AGO3: variants seen among roughly 807,000 people sequenced by gnomAD.
AGO3 encodes the protein argonaute RISC catalytic component 3, also known as protein argonaute-3.
A neutral mutation model predicts 105.5 loss-of-function variants in AGO3; 16 were observed. The observed-to-expected ratio is 0.15, with a 90% CI of 0.10 to 0.23. The LOEUF is 0.23. Among genes scored for constraint, AGO3 ranks in the 10% least tolerant of loss-of-function variants. AGO3 has a pLI of 1.00. For missense variants in AGO3, 534 were observed against 1,088.0 expected (o/e 0.49, Z 7.16); for synonymous variants, 340 against 367.3 (o/e 0.93, Z 0.85).
chr1:36,062,520 T>A lies in AGO3; in HGVS notation c.*6775T>A, dbSNP rs1643039073. On this transcript the variant is annotated 3_prime_UTR_variant, in exon 19 of 19. Transcript: ENST00000373191. ...AACTATGAAAAATGATGACAAGGCATTTAAAAGGGTATGATCAGTTAAATA... is the reference window on the plus strand; with the variant it reads ...AACTATGAAAAATGATGACAAGGCAATTAAAAGGGTATGATCAGTTAAATA... 1 of 152,184 alleles carries A rather than the reference T, an allele frequency of 6.6e-6. No homozygotes were observed. The highest frequency in any genetic ancestry group is 2.4e-5 in the African/African-American group (1 of 41,448). The allele number at this position is 152,184 out of a possible 1,614,324, so 9.4% of individuals were successfully genotyped here.
chr1:35,999,614 A>T (rs1031890999), intron 5 of AGO3, among the ~76,000 whole-genome samples: 2 of 152,126 alleles, frequency 1.3e-5, no homozygotes, highest in Non-Finnish European at 2.9e-5. Flanking sequence ...CAAATGCCTT[A>T]TGTTTTTTGT....
chr1:36,045,895 G>T (rs1254154116), intron 17 of AGO3, among the ~76,000 whole-genome samples: 1 of 152,124 alleles, frequency 6.6e-6, no homozygotes, highest in Non-Finnish European at 1.5e-5. Context: ...GAGTGCATCA[G>T]AGGAGTAACA....
intron 2 of AGO3, among the ~76,000 whole-genome samples, chr1:35,954,816 A>C (rs1318381846): frequency 6.6e-6 from 1 of 152,240 alleles, no homozygotes; most frequent in African/African-American, 2.4e-5. Context: ...GGTGTATCAC[A>C]TGGTATTTGA....
intron 8 of AGO3, 192 bp downstream of exon 8, chr1:36,009,236 A>ATT: frequency 1.2e-6 from 1 of 833,834 alleles, no homozygotes; most frequent in Non-Finnish European, 1.7e-6. Context: ...ACTCTAATGT[A>ATT]ACCACTGTTA....
At chr1:36,001,404 A>T (rs1440338234) in intron 5 of AGO3, among the ~76,000 whole-genome samples, 1 of 152,262 alleles carries the variant, frequency 6.6e-6, no homozygotes, top group Non-Finnish European at 1.5e-5. Flanking sequence ...CTCAGAGGAC[A>T]TGAAGTACAT....
At chr1:35,981,976 A>G (rs1029884354) in intron 5 of AGO3, among the ~76,000 whole-genome samples, 2 of 152,056 alleles carry the variant, frequency 1.3e-5, no homozygotes, top group African/African-American at 2.4e-5. Context: ...TTAGGTTTTT[A>G]TTATCCCCTA....
chr1:36,059,218 A>ATC lies in AGO3; in HGVS notation c.*3473_*3474insTC, dbSNP rs1254241663. The ATC allele has an allele frequency of 6.6e-6, 1 of 152,176 alleles. No homozygotes were observed. The highest frequency in any genetic ancestry group is 1.5e-5 in the Non-Finnish European group (1 of 68,024). 9.4% of individuals were successfully genotyped at this position (152,176 alleles called of 1,614,324 possible). On this transcript the variant is annotated 3_prime_UTR_variant, in exon 19 of 19. Transcript: ENST00000373191. ...CTAGTTTAAAGTTGATTAACTTGAA[A>ATC]GAGTATGTATACTATATTTCTATTT...
rs865781404 is a variant in AGO3 at position 36,060,532 on chromosome 1, A to C, written c.*4787A>C. On this transcript the variant is annotated 3_prime_UTR_variant, in exon 19 of 19. Transcript: ENST00000373191. ...GTGATTTTTATGAAATTCAAGAAGC[A>C]AACGACTTCGATACAGCTAGAATAT... is the stretch of plus-strand genomic sequence containing the variant. 1 of 152,270 alleles carries C rather than the reference A, an allele frequency of 6.6e-6. No individual in the cohort carries two copies. 9.4% of individuals were successfully genotyped at this position (152,270 alleles called of 1,614,324 possible). A position where few individuals can be genotyped will look rare whatever the true frequency, so the allele number is the denominator to read the frequency against.
chr1:35,944,417 A>G (rs191878996), intron 1 of AGO3, among the ~76,000 whole-genome samples: 126 of 152,088 alleles, frequency 8.3e-4, no homozygotes, highest in East Asian at 5.8e-4. Context: ...CAAACTGTCA[A>G]ATTTATTGAC....
rs1355412395 is a variant in AGO3, at chr1:36,059,278, C to T, written c.*3533C>T. 2.0e-5 allele frequency: 3 copies of T among 151,842 alleles called. No homozygotes were observed. The South Asian group carries it at 6.2e-4, about 31-fold the overall frequency. 9.4% of individuals were successfully genotyped at this position (151,842 alleles called of 1,614,324 possible). On this transcript the variant is annotated 3_prime_UTR_variant, in exon 19 of 19. Coordinates refer to ENST00000373191, the MANE Select transcript of AGO3 (RefSeq NM_024852.4). ...ATTGGTATATTAATTACCATTGGTT[C>T]TTAATTACAAGAAAACTTGTGCTTA...
At chr1:36,025,470 T>A (rs1461224199) in intron 11 of AGO3, among the ~76,000 whole-genome samples, 1 of 152,040 alleles carries the variant, frequency 6.6e-6, no homozygotes, top group Non-Finnish European at 1.5e-5. Flanking sequence ...TTATTTTTCA[T>A]TTTATATTTG....
At chr1:36,010,084 G>GCC (rs1640526940) in intron 9 of AGO3, among the ~76,000 whole-genome samples, 3 of 151,744 alleles carry the variant, frequency 2.0e-5, no homozygotes, top group Non-Finnish European at 4.4e-5. Context: ...GACTACAGGC[G>GCC]CATGCCACCA....
In AGO3 at chr1:36,071,626, T is replaced by C. The variant is rs1392111401; in HGVS notation, c.*15881T>C. 6.6e-6 allele frequency: 1 copy of C among 152,176 alleles called. No individual in the cohort carries two copies. Among genetic ancestry groups the C allele is most frequent in the Admixed American group, 6.6e-5 (1 of 15,258 alleles). The allele number at this position is 152,176 out of a possible 1,614,324, so 9.4% of individuals were successfully genotyped here. A position where few individuals can be genotyped will look rare whatever the true frequency, so the allele number is the denominator to read the frequency against. ...TGTCTTATGCCTGGCCTGGCCTTTT[T>C]TGTTGTTGTTGGCTTTTCATAAGTA... is the stretch of plus-strand genomic sequence containing the variant. On this transcript the variant is annotated 3_prime_UTR_variant, in exon 19 of 19. Coordinates refer to ENST00000373191, the MANE Select transcript of AGO3 (RefSeq NM_024852.4).
At chr1:35,978,159 A>G (rs1370017845) in intron 5 of AGO3, among the ~76,000 whole-genome samples, 1 of 152,162 alleles carries the variant, frequency 6.6e-6, no homozygotes, top group Admixed American at 6.5e-5. Flanking sequence ...TAAAATCTTG[A>G]TGAACTCTTT....
intron 17 of AGO3, among the ~76,000 whole-genome samples, chr1:36,054,026 G>A (rs1464608212): frequency 6.6e-6 from 1 of 151,744 alleles, no homozygotes; most frequent in East Asian, 1.9e-4. Flanking sequence ...TTGTAGAGAT[G>A]AGGTCTTCCT....
At chr1:35,984,071 A>G (rs1647113136) in intron 5 of AGO3, among the ~76,000 whole-genome samples, 1 of 152,226 alleles carries the variant, frequency 6.6e-6, no homozygotes, top group East Asian at 1.9e-4. Context: ...GTCGAGGAAT[A>G]CTAGCATTTA....
chr1:36,006,608 ATAT>A (rs1640345637), intron 6 of AGO3, among the ~76,000 whole-genome samples: 1 of 152,034 alleles, frequency 6.6e-6, no homozygotes, highest in Non-Finnish European at 1.5e-5. Context: ...TTGTTTCTTC[ATAT>A]TATTAGTATT....
intron 11 of AGO3, among the ~76,000 whole-genome samples, chr1:36,021,452 CTT>C (rs1641217612): frequency 6.6e-6 from 1 of 151,958 alleles, no homozygotes; most frequent in African/African-American, 2.4e-5. Context: ...TTTTCATAAT[CTT>C]ATACAATTTT....
At position 36,060,535 on chromosome 1, in the gene AGO3, C is replaced by T. The variant is rs1643015603; in HGVS notation, c.*4790C>T. The stretch of plus-strand genomic sequence containing the variant: ...ATTTTTATGAAATTCAAGAAGCAAA[C>T]GACTTCGATACAGCTAGAATATGTT... On this transcript the variant is annotated 3_prime_UTR_variant, in exon 19 of 19. Transcript: ENST00000373191. The T allele has an allele frequency of 6.6e-6, 1 of 152,198 alleles. No individual in the cohort carries two copies. Among genetic ancestry groups the T allele is most frequent in the Non-Finnish European group, 1.5e-5 (1 of 68,040 alleles). The allele number at this position is 152,198 out of a possible 1,614,324, so 9.4% of individuals were successfully genotyped here. A position where few individuals can be genotyped will look rare whatever the true frequency, so the allele number is the denominator to read the frequency against.
Sources: allele counts gnomAD v4.1 joint callset (sites outside exome capture counted in the v4.1 genomes callset), GRCh38; gene constraint gnomAD v4.1.1; transcripts MANE v1.5; gene names NCBI Gene and HGNC (gene_info 2026-07-23, HGNC 2026-07-21).